DNAH7: variants seen among roughly 807,000 people sequenced by gnomAD.
DNAH7 encodes axonemal beta dynein heavy chain 7.
Under a neutral mutation model 444.6 loss-of-function variants are expected in DNAH7, and 397 were observed. The observed-to-expected ratio is 0.89, with a 90% CI of 0.82 to 0.97. The LOEUF is 0.97. Ranked by LOEUF, DNAH7 falls within the 50% of genes least tolerant of loss-of-function variation. The pLI, the probability that DNAH7 is intolerant of heterozygous loss-of-function variation, is 0.00. For synonymous variants in DNAH7, 1,636 were observed against 1,624.4 expected (o/e 1.01, Z -0.17); for missense variants, 4,902 against 4,800.8 (o/e 1.02, Z -0.62).
intron 24 of DNAH7, among the ~76,000 whole-genome samples, chr2:195,911,553 C>T (rs1352302352): frequency 6.6e-6 from 1 of 151,934 alleles, no homozygotes; most frequent in Non-Finnish European, 1.5e-5. Context: ...TAATCTACAT[C>T]TAGTAACTTT....
Position 196,010,150 on chromosome 2 carries a change from T to TC in DNAH7, c.989+2636dup, listed in dbSNP as rs1393098761. Among the ~76,000 whole-genome samples, 5 of 149,310 alleles carry TC rather than the reference T, an allele frequency of 3.3e-5. No individual in the cohort carries two copies. In the East Asian group the frequency reaches 9.8e-4, roughly 29 times the overall value. On this transcript the variant is annotated intron_variant, in intron 10 of 64. Transcript: ENST00000312428. Reference sequence around the variant, plus strand: ...CCCTGCTCTTCTTCTTCTTTCTCTCTCTTTTTTTTTTTTTCTTGAGCCAGA... The same window carrying TC: ...CCCTGCTCTTCTTCTTCTTTCTCTCTCCTTTTTTTTTTTTTCTTGAGCCAGA...
chr2:195,881,786 A>G lies in DNAH7; in HGVS notation c.5961+9T>C, dbSNP rs1701395088. 2 of 1,611,860 alleles carry G rather than the reference A, an allele frequency of 1.2e-6. No homozygotes were observed. The highest frequency in any genetic ancestry group is 1.7e-6 in the Non-Finnish European group (2 of 1,177,998). ...CACAGTTTAATACGCAGATTTCTGC[A>G]GTACTTACCGTAATGTAAACACTTT... On this transcript the variant is annotated intron_variant, in intron 36 of 64. Coordinates refer to ENST00000312428, the MANE Select transcript of DNAH7 (RefSeq NM_018897.3).
chr2:196,001,528 C>T (rs1488746460), intron 11 of DNAH7, 147 bp downstream of exon 11: 5 of 694,938 alleles, frequency 7.2e-6, no homozygotes, highest in Non-Finnish European at 1.0e-5. Flanking sequence ...CCATGCCTGG[C>T]TGACAATTTT....
intron 62 of DNAH7, among the ~76,000 whole-genome samples, chr2:195,755,701 A>G (rs1694036777): frequency 6.6e-6 from 1 of 152,212 alleles, no homozygotes; most frequent in African/African-American, 2.4e-5. Context: ...ATATTACCAG[A>G]CAATTAGTAG....
intron 34 of DNAH7, among the ~76,000 whole-genome samples, chr2:195,885,016 C>CA (rs1377807765): frequency 6.6e-6 from 1 of 151,884 alleles, no homozygotes; most frequent in Non-Finnish European, 1.5e-5. Context: ...GAAGATGATA[C>CA]AAAACAAAGT....
chr2:196,068,301 C>G (rs558494946), intron 1 of DNAH7: 2 of 272,270 alleles, frequency 7.3e-6, no homozygotes, highest in East Asian at 7.2e-5. Flanking sequence ...CTTACAAAGA[C>G]TAAGAGATTT....
chr2:195,821,043 A>G (rs1697444479), intron 49 of DNAH7, among the ~76,000 whole-genome samples: 2 of 152,180 alleles, frequency 1.3e-5, no homozygotes, highest in South Asian at 4.1e-4. Flanking sequence ...ACTTGGGGCT[A>G]GATTTCAGCC....
rs573956246 is a variant in DNAH7 at position 195,742,971 on chromosome 2, G to C, written c.11765-2102C>G. Among the ~76,000 whole-genome samples, 3 of 152,336 alleles carry C rather than the reference G, an allele frequency of 2.0e-5. No homozygotes were observed. In the South Asian group the frequency reaches 6.2e-4, roughly 32 times the overall value. The stretch of plus-strand genomic sequence containing the variant: ...AACATTTGAGTCAATTGGATTGGGA[G>C]AGGCAGACCCACCCTCAGTGTGGGT... On this transcript the variant is annotated intron_variant, in intron 63 of 64. Coordinates refer to ENST00000312428, the MANE Select transcript of DNAH7 (RefSeq NM_018897.3).
In DNAH7 at chr2:195,809,740, C is replaced by A; in HGVS notation, c.9888+5G>T. On this transcript the variant is annotated splice_donor_5th_base_variant and intron_variant, in intron 52 of 64. Coordinates refer to ENST00000312428, the MANE Select transcript of DNAH7 (RefSeq NM_018897.3). ...TTTTTTCTTACAAATGAAAACAGTA[C>A]TGACCGCCCGCTCATGCAGCAGTAG... 1 of 1,574,532 alleles carries A rather than the reference C, an allele frequency of 6.4e-7. No homozygotes were observed. The highest frequency in any genetic ancestry group is 1.2e-5 in the South Asian group (1 of 83,234).
At chr2:195,740,626 T>C in intron 64 of DNAH7, 140 bp downstream of exon 64, 1 of 78,492 alleles carries the variant, frequency 1.3e-5, no homozygotes, top group Non-Finnish European at 2.3e-5. Context: ...TATATATATA[T>C]ATATATATAT....
chr2:195,983,335 T>C (rs937062960), intron 15 of DNAH7, among the ~76,000 whole-genome samples: 8 of 152,036 alleles, frequency 5.3e-5, no homozygotes, highest in East Asian at 1.9e-4. Flanking sequence ...GTAAAGAAAA[T>C]AGGTTTTTTG....
At chr2:195,760,624 C>T (rs1011683846) in intron 61 of DNAH7, among the ~76,000 whole-genome samples, 1 of 152,142 alleles carries the variant, frequency 6.6e-6, no homozygotes, top group Non-Finnish European at 1.5e-5. Flanking sequence ...GAGAACAAGA[C>T]TCTTTCCCTT....
chr2:195,893,849 T>G (rs780611161), intron 30 of DNAH7: 7 of 152,164 alleles, frequency 4.6e-5, no homozygotes, highest in Non-Finnish European at 8.8e-5. Context: ...CTTCATCTCC[T>G]TCTACTCTTT....
At chr2:195,754,248 T>A (rs1486903196) in intron 63 of DNAH7, 89 bp downstream of exon 63, 1 of 1,352,360 alleles carries the variant, frequency 7.4e-7, no homozygotes, top group East Asian at 2.4e-5. Context: ...TGTTTATTAC[T>A]TTTTTAACAG....
chr2:195,791,083 C>T (rs1461082504), intron 57 of DNAH7, among the ~76,000 whole-genome samples: 3 of 151,836 alleles, frequency 2.0e-5, no homozygotes, highest in African/African-American at 7.3e-5. Context: ...AGAAACATAA[C>T]AAAAAAAGTG....
intron 63 of DNAH7, among the ~76,000 whole-genome samples, chr2:195,742,244 A>G (rs1363767795): frequency 6.6e-6 from 1 of 152,184 alleles, no homozygotes; most frequent in Non-Finnish European, 1.5e-5. Context: ...TCAGTCACCA[A>G]AACAGGTGGG....
chr2:195,756,122 G>C lies in DNAH7; in HGVS notation c.11586+11C>G. ...AAACTTAACAATATACGATCATTTA[G>C]ACGAACTTACCTGCAAGAATTTTAG... On this transcript the variant is annotated intron_variant, in intron 62 of 64. Coordinates refer to ENST00000312428, the MANE Select transcript of DNAH7 (RefSeq NM_018897.3). 1 of 1,590,574 alleles carries C rather than the reference G, an allele frequency of 6.3e-7. No homozygotes were observed. Among genetic ancestry groups the C allele is most frequent in the Non-Finnish European group, 8.6e-7 (1 of 1,166,582 alleles).
In DNAH7 at chr2:195,864,333, TCTAA is replaced by T. The variant is rs755810766; in HGVS notation, c.7318_7321del (p.Leu2440IlefsTer15). ...TTGCTTGGTTTTATCCCGCTGGCGA[TCTAA>T]CTGACGCATCTTATCACATATCTCT... On this transcript the variant is annotated frameshift_variant, in exon 41 of 65. Coordinates refer to ENST00000312428, the MANE Select transcript of DNAH7 (RefSeq NM_018897.3). LOFTEE classifies it high-confidence loss of function. The T allele has an allele frequency of 4.3e-6, 7 of 1,614,046 alleles. No homozygotes were observed. In the Admixed American group the frequency reaches 5.0e-5, roughly 12 times the overall value.
At chr2:195,947,219 A>G (rs1689874669) in intron 19 of DNAH7, among the ~76,000 whole-genome samples, 1 of 151,058 alleles carries the variant, frequency 6.6e-6, no homozygotes, top group Non-Finnish European at 1.5e-5. Context: ...CTGGTCTCGA[A>G]CTCCTGACCT....
Sources: allele counts gnomAD v4.1 joint callset (sites outside exome capture counted in the v4.1 genomes callset), GRCh38; gene constraint gnomAD v4.1.1; transcripts MANE v1.5; gene names NCBI Gene and HGNC (gene_info 2026-07-23, HGNC 2026-07-21).